Variants in AP3B2 observed in about 807,000 individuals in gnomAD.
AP3B2 encodes adaptor related protein complex 3 subunit beta 2, also known as AP-3 complex subunit beta-2.
AP3B2 carries 50 observed loss-of-function variants against 126.9 expected under a neutral mutation model. The observed-to-expected ratio is 0.39, with a 90% confidence interval of 0.31 to 0.50. The LOEUF is 0.50. Ranked by LOEUF, AP3B2 falls within the 20% of genes least tolerant of loss-of-function variation. AP3B2 has a pLI of 0.79. For synonymous variants in AP3B2, 541 were observed against 565.0 expected (o/e 0.96, Z 0.60); for missense variants, 1,177 against 1,426.4 (o/e 0.83, Z 2.82).
chr15:82,688,674 C>G, intron 4 of AP3B2, 62 bp downstream of exon 4: 1 of 1,465,692 alleles, frequency 6.8e-7, no homozygotes, highest in Non-Finnish European at 9.4e-7. Context: ...CTCCCCAGGC[C>G]TACTCCTCCG....
chr15:82,678,108 G>C lies in AP3B2; in HGVS notation c.1242C>G (p.Phe414Leu), dbSNP rs1445493911. The C allele has an allele frequency of 6.2e-7, 1 of 1,613,832 alleles. No homozygotes were observed. The highest frequency in any genetic ancestry group is 8.5e-7 in the Non-Finnish European group (1 of 1,179,840). ...CTGGCTGGGAGCTGGCCTGTACCTG[G>C]AATTCCCGTAGGACAGTAGGAATGT... is the stretch of plus-strand genomic sequence containing the variant. ...ETNIPTVLRE[F>L]QTYIRSMDKD... The change falls in exon 11 of 27, where the codon TTC becomes TTG. Residue 414 changes from phenylalanine to leucine, a missense_variant. Physicochemically the swap from Phe to Leu is conservative, Grantham distance 22. Transcript: ENST00000535359.
rs527478784 is a variant in AP3B2, at chr15:82,683,144, C to T, written c.361-1564G>A. Among the ~76,000 whole-genome samples, 4 of 146,912 alleles carry T rather than the reference C, an allele frequency of 2.7e-5. No individual in the cohort carries two copies. The East Asian group carries it at 8.1e-4, about 30-fold the overall frequency. On this transcript the variant is annotated intron_variant, in intron 4 of 26. Coordinates refer to ENST00000535359, the MANE Select transcript of AP3B2 (RefSeq NM_001278512.2). ...CGAGATCTCGGGTCACTGCAAGCTC[C>T]ACCTCCCAGGTTCACGCCATTCTCC...
chr15:82,665,131 A>G lies in AP3B2; in HGVS notation c.2028+116T>C. The G allele has an allele frequency of 8.2e-7, 1 of 1,224,298 alleles. No individual in the cohort carries two copies. The highest frequency in any genetic ancestry group is 1.1e-6 in the Non-Finnish European group (1 of 870,552). 75.8% of individuals were successfully genotyped at this position (1,224,298 alleles called of 1,614,324 possible). A position where few individuals can be genotyped will look rare whatever the true frequency, so the allele number is the denominator to read the frequency against. The stretch of plus-strand genomic sequence containing the variant: ...GAGGGAATGCTGCTCACAGAGGAGC[A>G]CTGCCAAACCAAGGTGGAAACAGAG... On this transcript the variant is annotated intron_variant, in intron 17 of 26. Transcript: ENST00000535359. This position sits in a 1 kb window ranked among gnomAD's most constrained non-coding sequence, Gnocchi z 4.4.
chr15:82,666,228 G>C (rs887042364), intron 15 of AP3B2, among the ~76,000 whole-genome samples: 1 of 152,222 alleles, frequency 6.6e-6, no homozygotes, highest in Admixed American at 6.5e-5. Flanking sequence ...CCATCTCAAG[G>C]CCGTTGTCTT....
intron 1 of AP3B2, among the ~76,000 whole-genome samples, chr15:82,702,886 C>A (rs2048741325): frequency 1.3e-5 from 2 of 152,122 alleles, no homozygotes; most frequent in Admixed American, 6.5e-5. Flanking sequence ...GTCCTCAGAC[C>A]AACCAGCCTG....
intron 4 of AP3B2, chr15:82,688,448 T>C: frequency 1.4e-6 from 1 of 701,612 alleles, no homozygotes; most frequent in South Asian, 1.5e-5. Context: ...GACTCTCCAC[T>C]CTCCGGGGGC....
At chr15:82,692,268 C>A (rs970387904) in intron 1 of AP3B2, 2 of 816,992 alleles carry the variant, frequency 2.4e-6, no homozygotes, top group South Asian at 3.4e-5. Context: ...CTTGCGGATC[C>A]GGCCGTACTT....
intron 1 of AP3B2, among the ~76,000 whole-genome samples, chr15:82,704,232 G>A (rs2048762652): frequency 6.6e-6 from 1 of 152,082 alleles, no homozygotes; most frequent in Admixed American, 6.6e-5. Flanking sequence ...AGGTCAAAAG[G>A]CAGTCTTATT....
chr15:82,702,085 G>C (rs182729914), intron 1 of AP3B2, among the ~76,000 whole-genome samples: 109 of 152,246 alleles, frequency 7.2e-4, no homozygotes, highest in African/African-American at 2.6e-3. Context: ...GTTCAGACTT[G>C]TGCAGTGTCT....
chr15:82,677,475 C>A, intron 12 of AP3B2, 92 bp from the exon 13 acceptor site: 1 of 1,396,204 alleles, frequency 7.2e-7, no homozygotes. Flanking sequence ...AGGCCCTTGG[C>A]TCTTTCTCTC....
chr15:82,690,682 C>T (rs2048514093), intron 1 of AP3B2, among the ~76,000 whole-genome samples: 1 of 99,356 alleles, frequency 1.0e-5, no homozygotes, highest in Non-Finnish European at 1.8e-5. Flanking sequence ...GAGATGGAGT[C>T]TCGCTCTGTC....
rs746847242 is a variant in AP3B2 at position 82,659,683 on chromosome 15, T to G, written c.3183A>C (p.Gly1061=). The change falls in exon 27 of 27, where the codon GGA becomes GGC. Residue 1061 remains glycine, a synonymous_variant. Transcript: ENST00000535359. ...YRFAGRTLTG[G]SLVLLTLDAR... ...CATCCAGGGTCAGCAGAACGAGGCT[T>G]CCACCAGTCAGTGTCCTCCCTGCAA... The G allele has an allele frequency of 1.9e-6, 3 of 1,613,906 alleles. No individual in the cohort carries two copies. Among genetic ancestry groups the G allele is most frequent in the Non-Finnish European group, 2.5e-6 (3 of 1,179,858 alleles).
Position 82,662,790 on chromosome 15 carries a change from G to A in AP3B2, c.2737C>T (p.His913Tyr). ...GDPHMVSVHIHFSNSSDTPIK... is the reference protein window; with the variant it reads ...GDPHMVSVHIYFSNSSDTPIK... Reference sequence around the variant, plus strand: ...GGGGTATCAGAGCTGTTGGAGAAGTGGATGTGCACGGACACCATGTGGGGA... The same window carrying A: ...GGGGTATCAGAGCTGTTGGAGAAGTAGATGTGCACGGACACCATGTGGGGA... The change falls in exon 23 of 27, where the codon CAC becomes TAC. Residue 913 changes from histidine to tyrosine, a missense_variant. By Grantham distance (83) the His-to-Tyr change is moderately conservative. Coordinates refer to ENST00000535359, the MANE Select transcript of AP3B2 (RefSeq NM_001278512.2). 6.2e-7 allele frequency: 1 copy of A among 1,613,836 alleles called. No homozygotes were observed. Among genetic ancestry groups the A allele is most frequent in the Non-Finnish European group, 8.5e-7 (1 of 1,179,816 alleles).
rs748065231 is a variant in AP3B2 at position 82,665,233 on chromosome 15, C to A, written c.2028+14G>T. The A allele has an allele frequency of 2.5e-5, 38 of 1,537,518 alleles. 1 individual carries two copies. In the African/African-American group the frequency reaches 3.1e-4, roughly 13 times the overall value. On this transcript the variant is annotated intron_variant, in intron 17 of 26. Transcript: ENST00000535359. This position sits in a 1 kb window ranked among gnomAD's most constrained non-coding sequence, Gnocchi z 4.4. Reference sequence around the variant, plus strand: ...AGGGCAGGGGAGAGAGCACACGTCACACGAAGGTGGGACCTCAGTGTATTC... The same window carrying A: ...AGGGCAGGGGAGAGAGCACACGTCAAACGAAGGTGGGACCTCAGTGTATTC...
At chr15:82,670,095 A>G (rs1470138467) in intron 14 of AP3B2, among the ~76,000 whole-genome samples, 12 of 84,278 alleles carry the variant, frequency 1.4e-4, no homozygotes, top group Non-Finnish European at 2.0e-4. Flanking sequence ...AAAAAAAATC[A>G]GTGGCTTTTT....
In AP3B2 at chr15:82,681,258, C is replaced by T; in HGVS notation, c.522-80G>A. ...TATCTGTCCAAGCCATGCTCACCTC[C>T]TGCACCCCAGCCTTATTGTTCTCCT... On this transcript the variant is annotated intron_variant, in intron 5 of 26. Coordinates refer to ENST00000535359, the MANE Select transcript of AP3B2 (RefSeq NM_001278512.2). This position sits in a 1 kb window ranked among gnomAD's most constrained non-coding sequence, Gnocchi z 4.0. 1.3e-6 allele frequency: 2 copies of T among 1,537,750 alleles called. No homozygotes were observed. The highest frequency in any genetic ancestry group is 1.8e-6 in the Non-Finnish European group (2 of 1,130,766).
intron 23 of AP3B2, 77 bp from the exon 24 acceptor site, chr15:82,662,329 ACT>A: frequency 8.9e-7 from 1 of 1,123,934 alleles, no homozygotes; most frequent in South Asian, 1.3e-5. Flanking sequence ...GCCTAGCCCT[ACT>A]CTCCTCTCCA....
chr15:82,692,154 T>C, intron 1 of AP3B2: 1 of 1,488,360 alleles, frequency 6.7e-7, no homozygotes. Context: ...ACACTGGCCA[T>C]AATCATAACT....
At position 82,677,254 on chromosome 15, in the gene AP3B2, A is replaced by C; in HGVS notation, c.1488+20T>G. On this transcript the variant is annotated intron_variant, in intron 13 of 26. Coordinates refer to ENST00000535359, the MANE Select transcript of AP3B2 (RefSeq NM_001278512.2). The stretch of plus-strand genomic sequence containing the variant: ...GGGAGGACCTTGAAGTGGGGAGTGA[A>C]AATATGGCTTCTCCCTCACCTGGAT... The C allele has an allele frequency of 6.3e-7, 1 of 1,584,458 alleles. No homozygotes were observed.
Sources: gnomAD v4.1 joint callset for allele counts (sites outside exome capture counted in the v4.1 genomes callset) on GRCh38, gnomAD v4.1.1 for gene constraint, Gnocchi (gnomAD v3.1) non-coding constraint, MANE v1.5 for transcripts, NCBI Gene and HGNC (gene_info 2026-07-23, HGNC 2026-07-21) for gene names.